The following ABCC9 variants were observed in gnomAD, a reference collection of about 807,000 sequenced individuals.
ABCC9 encodes ATP-binding cassette sub-family C member 9.
Under a neutral mutation model 188.3 loss-of-function variants are expected in ABCC9, and 95 were observed. The observed-to-expected ratio is 0.50, with a 90% CI of 0.43 to 0.60. The LOEUF is 0.60. Ranked by LOEUF, ABCC9 falls within the 20% of genes least tolerant of loss-of-function variation. The pLI is 0.00. For synonymous variants in ABCC9, 659 were observed against 652.7 expected (o/e 1.01, Z -0.15); for missense variants, 1,102 against 1,876.3 (o/e 0.59, Z 7.62).
chr12:21,907,741 T>C lies in ABCC9; in HGVS notation c.1455+336A>G, dbSNP rs1002243313. On this transcript the variant is annotated intron_variant, in intron 11 of 39. Transcript: ENST00000261200. ...CTTGCACCTTGATCCATTTCTTGCA[T>C]GTCAATAACTGACGTTCACTAGCCT... is the stretch of plus-strand genomic sequence containing the variant. Among the ~76,000 whole-genome samples, 4 of 152,058 alleles carry C rather than the reference T, an allele frequency of 2.6e-5. No individual in the cohort carries two copies. In the South Asian group the frequency reaches 8.3e-4, roughly 31 times the overall value.
intron 8 of ABCC9, among the ~76,000 whole-genome samples, chr12:21,912,039 A>T (rs1435543684): frequency 1.3e-5 from 2 of 152,062 alleles, no homozygotes; most frequent in Non-Finnish European, 2.9e-5. Context: ...AACATAAAGT[A>T]AAGAGTGTGT....
At chr12:21,861,743 A>G (rs1945516764) in intron 20 of ABCC9, among the ~76,000 whole-genome samples, 1 of 152,170 alleles carries the variant, frequency 6.6e-6, no homozygotes, top group African/African-American at 2.4e-5. Context: ...TCAGGAAGAA[A>G]ATGAGTAACG....
At chr12:21,875,986 A>AGGCTGC (rs1342428158) in intron 16 of ABCC9, among the ~76,000 whole-genome samples, 1 of 152,174 alleles carries the variant, frequency 6.6e-6, no homozygotes, top group East Asian at 1.9e-4. Flanking sequence ...CGGGAGGCTG[A>AGGCTGC]GGCTGCAGTG....
intron 29 of ABCC9, among the ~76,000 whole-genome samples, chr12:21,840,500 T>G (rs965939664): frequency 6.6e-6 from 1 of 152,230 alleles, no homozygotes; most frequent in African/African-American, 2.4e-5. Flanking sequence ...AGGAATATTT[T>G]CCCAAACTTT....
intron 32 of ABCC9, 63 bp from the exon 33 acceptor site, chr12:21,817,370 C>G: frequency 6.4e-7 from 1 of 1,562,546 alleles, no homozygotes; most frequent in Non-Finnish European, 8.7e-7. Context: ...TGGTTAATCA[C>G]CGGAAATTTT....
chr12:21,896,993 C>T (rs1947461586), intron 12 of ABCC9, among the ~76,000 whole-genome samples: 2 of 152,140 alleles, frequency 1.3e-5, no homozygotes, highest in South Asian at 4.1e-4. Flanking sequence ...GAGAAATCAC[C>T]ACACTGGTCT....
At chr12:21,814,755 G>A in intron 34 of ABCC9, 33 bp from the exon 35 acceptor site, 1 of 1,584,584 alleles carries the variant, frequency 6.3e-7, no homozygotes. Context: ...AAGAGAAGAG[G>A]ACTCAGAAAA....
intron 16 of ABCC9, among the ~76,000 whole-genome samples, chr12:21,876,531 T>C (rs1946357709): frequency 6.6e-6 from 1 of 152,228 alleles, no homozygotes; most frequent in Admixed American, 6.5e-5. Context: ...GAGGCAACAT[T>C]GCTTGTGGTA....
At chr12:21,836,565 C>T (rs1944110432) in intron 30 of ABCC9, among the ~76,000 whole-genome samples, 1 of 152,164 alleles carries the variant, frequency 6.6e-6, no homozygotes, top group South Asian at 2.1e-4. Context: ...AGACAGAGTG[C>T]TACCCTGCTC....
intron 18 of ABCC9, among the ~76,000 whole-genome samples, chr12:21,867,644 A>C (rs962988531): frequency 2.0e-5 from 3 of 152,150 alleles, no homozygotes; most frequent in African/African-American, 7.2e-5. Context: ...AAGCTGACTT[A>C]ATATTATTAT....
At chr12:21,858,980 ACCG>A (rs1945366495) in intron 22 of ABCC9, among the ~76,000 whole-genome samples, 3 of 152,194 alleles carry the variant, frequency 2.0e-5, no homozygotes, top group Admixed American at 1.3e-4. Flanking sequence ...AATCAACATA[ACCG>A]TCAAATTTTA....
chr12:21,848,461 G>T (rs1240980657), intron 24 of ABCC9, among the ~76,000 whole-genome samples: 1 of 152,142 alleles, frequency 6.6e-6, no homozygotes. Context: ...GTGTGGAGCA[G>T]CACACGAGAC....
intron 25 of ABCC9, among the ~76,000 whole-genome samples, chr12:21,846,809 T>A (rs749592665): frequency 9.2e-5 from 14 of 152,164 alleles, no homozygotes; most frequent in Non-Finnish European, 1.8e-4. Context: ...TTTGCTTCTA[T>A]ATTAATTGAA....
intron 10 of ABCC9, 116 bp downstream of exon 10, chr12:21,910,041 A>G: frequency 1.0e-6 from 1 of 984,118 alleles, no homozygotes. Flanking sequence ...TCTATAAAAG[A>G]GTGTAATATT....
In ABCC9 at chr12:21,941,402, C is replaced by T. The variant is rs911996567; in HGVS notation, c.-339G>A. 5.9e-5 allele frequency: 9 copies of T among 152,368 alleles called. No individual in the cohort carries two copies. Among genetic ancestry groups the T allele is most frequent in the Admixed American group, 4.6e-4 (7 of 15,296 alleles). The allele number at this position is 152,368 out of a possible 1,614,324, so 9.4% of individuals were successfully genotyped here. ...CGCGCCTGGGGCCGGAGACCTTCCCCATCCCTGCTCTGCTCAGCTTTGACT... is the reference window on the plus strand; with the variant it reads ...CGCGCCTGGGGCCGGAGACCTTCCCTATCCCTGCTCTGCTCAGCTTTGACT... On this transcript the variant is annotated 5_prime_UTR_variant, in exon 1 of 40. An upstream start codon of the reference 5' UTR is lost. Coordinates refer to ENST00000261200, the MANE Select transcript of ABCC9 (RefSeq NM_020297.4). The surrounding 1 kb of genome is among the most constrained non-coding windows in gnomAD (Gnocchi z 5.4).
rs113882813 is a variant in ABCC9 at position 21,814,588 on chromosome 12, GT to G, written c.4102+55del. ...TTTCTGCAGGATTAGGTAAATTGAT[GT>G]TTTTTTAAAGGAAAGCACCAAGTGG... On this transcript the variant is annotated intron_variant, in intron 35 of 39. Transcript: ENST00000261200. 10,652 of 1,438,358 alleles carry G rather than the reference GT, an allele frequency of 7.4e-3. 679 individuals are homozygous for G. In the African/African-American group the frequency reaches 0.13, roughly 18 times the overall value. The allele number at this position is 1,438,358 out of a possible 1,614,324, so 89.1% of individuals were successfully genotyped here. A position where few individuals can be genotyped will look rare whatever the true frequency, so the allele number is the denominator to read the frequency against.
Position 21,894,158 on chromosome 12 carries a change from G to A in ABCC9, c.1676C>T (p.Ala559Val), listed in dbSNP as rs772619542. 8.7e-6 allele frequency: 14 copies of A among 1,613,888 alleles called. No homozygotes were observed. Among genetic ancestry groups the A allele is most frequent in the African/African-American group, 2.7e-5 (2 of 74,906 alleles). Residue 559 changes from alanine to valine, a missense_variant, in exon 14 of 40, where the codon GCG (alanine) becomes GTG (valine). Around this residue, in one of 12 missense-constraint regions of ABCC9, gnomAD observed 258 missense variants for 325.6 expected, o/e 0.79. Coordinates refer to ENST00000261200, the MANE Select transcript of ABCC9 (RefSeq NM_020297.4). ...TTTCAGATTGTTTCCACTGGCATAC[G>A]CATGGGTCACAAATGTCTGTGCAAA... ...AAVLATFVTHAYASGNNLKPA... is the reference protein window; with the variant it reads ...AAVLATFVTHVYASGNNLKPA...
At chr12:21,894,967 A>T (rs1947330028) in intron 13 of ABCC9, among the ~76,000 whole-genome samples, 1 of 152,222 alleles carries the variant, frequency 6.6e-6, no homozygotes, top group African/African-American at 2.4e-5. Flanking sequence ...CAAATGTACC[A>T]GCATACATTT....
chr12:21,809,986 A>G (rs752802286), intron 36 of ABCC9, 31 bp from the exon 37 acceptor site: 7 of 1,282,228 alleles, frequency 5.5e-6, no homozygotes, highest in Non-Finnish European at 7.9e-6. Context: ...ATTAGTCAAT[A>G]AGTGAAAATA....
Sources: gnomAD v4.1 joint callset for allele counts (sites outside exome capture counted in the v4.1 genomes callset) on GRCh38, gnomAD v4.1.1 for gene constraint, gnomAD v4.1.1 regional missense constraint, Gnocchi (gnomAD v3.1) non-coding constraint, MANE v1.5 for transcripts, NCBI Gene and HGNC (gene_info 2026-07-23, HGNC 2026-07-21) for gene names.